DOCK4: variants seen among roughly 807,000 people sequenced by gnomAD.
The protein encoded by DOCK4 is dedicator of cytokinesis 4, also known as dedicator of cytokinesis protein 4.
In DOCK4, 97 loss-of-function variants were observed where a neutral mutation model predicts 268.1. The observed-to-expected ratio is 0.36, with a 90% CI of 0.31 to 0.43. DOCK4 has a LOEUF of 0.43. Ranked by LOEUF, DOCK4 falls within the 20% of genes least tolerant of loss-of-function variation. The probability of loss-of-function intolerance (pLI) is 1.00; values close to 1 mark genes in which losing one functional copy is unlikely to be tolerated. For synonymous variants in DOCK4, 954 were observed against 887.2 expected (o/e 1.08, Z -1.34); for missense variants, 2,145 against 2,455.7 (o/e 0.87, Z 2.67).
intron 1 of DOCK4, among the ~76,000 whole-genome samples, chr7:112,108,817 G>A (rs923832621): frequency 8.5e-5 from 13 of 152,196 alleles, no homozygotes; most frequent in Non-Finnish European, 1.8e-4. Flanking sequence ...AAGAAACCTT[G>A]CAAATGGACA....
At chr7:111,815,577 A>G (rs772418994) in intron 27 of DOCK4, among the ~76,000 whole-genome samples, 7 of 151,424 alleles carry the variant, frequency 4.6e-5, no homozygotes, top group Non-Finnish European at 1.0e-4. Context: ...TACCACAAAC[A>G]GCCAAATTAC....
At chr7:111,997,545 G>A (rs1800069373) in intron 4 of DOCK4, among the ~76,000 whole-genome samples, 1 of 152,160 alleles carries the variant, frequency 6.6e-6, no homozygotes, top group Non-Finnish European at 1.5e-5. Context: ...CTTTATTGAG[G>A]AGGAAATTAT....
chr7:111,827,878 T>C (rs1406939987), intron 26 of DOCK4, among the ~76,000 whole-genome samples: 1 of 152,140 alleles, frequency 6.6e-6, no homozygotes, highest in Non-Finnish European at 1.5e-5. Context: ...GATTGGGGCT[T>C]GATCAGATAT....
At chr7:111,766,733 G>T (rs1797782551) in intron 38 of DOCK4, among the ~76,000 whole-genome samples, 1 of 152,184 alleles carries the variant, frequency 6.6e-6, no homozygotes, top group African/African-American at 2.4e-5. Flanking sequence ...TGTGTAAGTG[G>T]AAACTCTTCA....
At chr7:111,808,662 C>T in intron 30 of DOCK4, 159 bp downstream of exon 30, 1 of 659,766 alleles carries the variant, frequency 1.5e-6, no homozygotes, top group South Asian at 2.6e-5. Flanking sequence ...GTTGTAACCT[C>T]ATTCAATGCC....
chr7:111,820,621 C>T (rs1010037640), intron 27 of DOCK4: 2 of 152,080 alleles, frequency 1.3e-5, no homozygotes, highest in African/African-American at 4.8e-5. Context: ...CAGAGAGAGG[C>T]AGTATTTAAT....
intron 1 of DOCK4, among the ~76,000 whole-genome samples, chr7:112,087,790 A>C (rs1809240020): frequency 6.6e-6 from 1 of 152,110 alleles, no homozygotes; most frequent in African/African-American, 2.4e-5. Flanking sequence ...CTAGACCATC[A>C]TATTAACATT....
At chr7:112,048,726 GA>G (rs77986467) in intron 1 of DOCK4, among the ~76,000 whole-genome samples, 5,666 of 143,540 alleles carry the variant, frequency 0.039, 313 homozygotes, top group African/African-American at 0.12. Flanking sequence ...GGAAGAAAAA[GA>G]AAAAAAAAAC....
At chr7:112,024,656 C>G (rs1208376064) in intron 1 of DOCK4, among the ~76,000 whole-genome samples, 1 of 152,168 alleles carries the variant, frequency 6.6e-6, no homozygotes, top group Non-Finnish European at 1.5e-5. Flanking sequence ...CCTTCTAAAG[C>G]TCTTCCTGCT....
intron 1 of DOCK4, among the ~76,000 whole-genome samples, chr7:112,109,898 T>C (rs4730511): frequency 0.69 from 102,261 of 148,744 alleles, 36,796 homozygotes; most frequent in African/African-American, 0.91. Flanking sequence ...GCGCCCGCCA[T>C]CACGCCCGGC....
chr7:111,780,571 C>T (rs1798729436), intron 35 of DOCK4, among the ~76,000 whole-genome samples: 2 of 152,132 alleles, frequency 1.3e-5, no homozygotes, highest in Admixed American at 1.3e-4. Context: ...TGATAATCTT[C>T]CAAATGTCTG....
intron 7 of DOCK4, among the ~76,000 whole-genome samples, chr7:111,983,858 GCGCGCA>G (rs1397089739): frequency 8.9e-5 from 8 of 89,944 alleles, no homozygotes; most frequent in African/African-American, 2.5e-4. Context: ...GCGCGCGCGC[GCGCGCA>G]CACACACACA....
intron 1 of DOCK4, among the ~76,000 whole-genome samples, chr7:112,184,163 C>A (rs1242981866): frequency 6.6e-6 from 1 of 152,210 alleles, no homozygotes; most frequent in Non-Finnish European, 1.5e-5. Context: ...TTAACAGATG[C>A]ATGAGTTTCT....
At chr7:111,921,894 T>C (rs917017179) in intron 12 of DOCK4, among the ~76,000 whole-genome samples, 1 of 152,190 alleles carries the variant, frequency 6.6e-6, no homozygotes, top group African/African-American at 2.4e-5. Context: ...AAATAAAATA[T>C]TTCTTTTAAT....
At chr7:111,890,946 A>G (rs2134349502) in intron 16 of DOCK4, among the ~76,000 whole-genome samples, 1 of 152,282 alleles carries the variant, frequency 6.6e-6, no homozygotes, top group South Asian at 2.1e-4. Flanking sequence ...TTTTTAACGC[A>G]GTTTTTTTTC....
chr7:111,831,372 G>A (rs745570024), intron 26 of DOCK4, among the ~76,000 whole-genome samples: 2 of 151,968 alleles, frequency 1.3e-5, no homozygotes, highest in Admixed American at 6.6e-5. Context: ...CTCCACAATC[G>A]CCTCTACTTC....
intron 38 of DOCK4, 74 bp from the exon 39 acceptor site, chr7:111,765,296 C>CT: frequency 1.1e-6 from 1 of 887,762 alleles, no homozygotes; most frequent in Non-Finnish European, 1.7e-6. Flanking sequence ...AATAAGATTT[C>CT]TTTTTTACAT....
At chr7:111,961,887 A>T (rs974739048) in intron 8 of DOCK4, among the ~76,000 whole-genome samples, 3 of 152,150 alleles carry the variant, frequency 2.0e-5, no homozygotes, top group African/African-American at 7.2e-5. Flanking sequence ...TTGGAAAAAA[A>T]TGTCTTTTCT....
rs1233257870 is a variant in DOCK4 at position 112,061,497 on chromosome 7, G to C, written c.38-57366C>G. 5.9e-5 allele frequency among the ~76,000 whole-genome samples: 9 copies of C among 152,130 alleles called. No homozygotes were observed. The East Asian group carries it at 1.7e-3, about 29-fold the overall frequency. On this transcript the variant is annotated intron_variant, in intron 1 of 52. Transcript: ENST00000428084. ...AACCAGGCCTTCCTTCACCGACCTTGGGCCTGCTACACATGTCTTTCTGTC... is the reference window on the plus strand; with the variant it reads ...AACCAGGCCTTCCTTCACCGACCTTCGGCCTGCTACACATGTCTTTCTGTC...
Sources: allele counts gnomAD v4.1 joint callset (sites outside exome capture counted in the v4.1 genomes callset), GRCh38; gene constraint gnomAD v4.1.1; transcripts MANE v1.5; gene names NCBI Gene and HGNC (gene_info 2026-07-23, HGNC 2026-07-21).